ADAM23: variants seen among roughly 807,000 people sequenced by gnomAD.
ADAM23 encodes the protein ADAM metallopeptidase domain 23, also known as disintegrin and metalloproteinase domain-containing protein 23.
Under a neutral mutation model 120.1 loss-of-function variants are expected in ADAM23, and 33 were observed. That is an observed-to-expected ratio of 0.27 (90% CI 0.21 to 0.37). ADAM23 has a LOEUF of 0.37. Among genes scored for constraint, ADAM23 ranks in the 10% least tolerant of loss-of-function variants. The pLI is 1.00. For synonymous variants in ADAM23, 367 were observed against 375.2 expected (o/e 0.98, Z 0.25); for missense variants, 862 against 1,058.2 (o/e 0.81, Z 2.57).
chr2:206,484,872 T>C (rs974498434), intron 3 of ADAM23, among the ~76,000 whole-genome samples: 1 of 152,154 alleles, frequency 6.6e-6, no homozygotes, highest in Non-Finnish European at 1.5e-5. Context: ...CTTGTGATAA[T>C]GAATAAGTCT....
At position 206,489,561 on chromosome 2, in the gene ADAM23, G is replaced by A. The variant is rs532089817; in HGVS notation, c.509+8253G>A. On this transcript the variant is annotated intron_variant, in intron 3 of 25. Coordinates refer to ENST00000264377, the MANE Select transcript of ADAM23 (RefSeq NM_003812.4). ...TCCCAGTTTCAAGAGATCTGCAGAA[G>A]GAAGGCTTTCTATTATGGTGATAGA... Among the ~76,000 whole-genome samples, 748 of 152,300 alleles carry A rather than the reference G, an allele frequency of 4.9e-3. 1 individual carries two copies. The highest frequency in any genetic ancestry group is 0.014 in the Middle Eastern group (4 of 294).
chr2:206,481,118 T>A (rs1362280609), intron 2 of ADAM23, 114 bp from the exon 3 acceptor site: 2 of 668,268 alleles, frequency 3.0e-6, no homozygotes, highest in African/African-American at 3.8e-5. Context: ...TGATGATACA[T>A]AAGGAAATGA....
At chr2:206,477,899 T>TATATATATAC (rs1553548679) in intron 2 of ADAM23, among the ~76,000 whole-genome samples, 28 of 106,332 alleles carry the variant, frequency 2.6e-4, no homozygotes, top group Non-Finnish European at 3.7e-4. Context: ...AAAAAAAAAA[T>TATATATATAC]ATATATATAT....
rs1341019144 is a variant in ADAM23 at position 206,596,005 on chromosome 2, T to C, written c.2248-46T>C. ...TCTTTTACATTTATCACTATTATTC[T>C]ACAAAATACAGTGAAAATGCCATAT... On this transcript the variant is annotated intron_variant, in intron 23 of 25. Transcript: ENST00000264377. 2.8e-6 allele frequency: 4 copies of C among 1,451,454 alleles called. No individual in the cohort carries two copies. In the Admixed American group the frequency reaches 7.1e-5, roughly 26 times the overall value. The allele number at this position is 1,451,454 out of a possible 1,614,324, so 89.9% of individuals were successfully genotyped here. A position where few individuals can be genotyped will look rare whatever the true frequency, so the allele number is the denominator to read the frequency against.
At chr2:206,448,798 C>T (rs1443273364) in intron 2 of ADAM23, among the ~76,000 whole-genome samples, 2 of 152,198 alleles carry the variant, frequency 1.3e-5, no homozygotes, top group Non-Finnish European at 2.9e-5. Context: ...ATTGAAGATC[C>T]TCGCCCTATG....
In ADAM23 at chr2:206,573,196, G is replaced by A; in HGVS notation, c.1737+1G>A. The A allele has an allele frequency of 6.2e-7, 1 of 1,613,840 alleles. No individual in the cohort carries two copies. The highest frequency in any genetic ancestry group is 1.3e-5 in the African/African-American group (1 of 75,042). On this transcript the variant is annotated splice_donor_variant, in intron 18 of 25. Transcript: ENST00000264377. LOFTEE classifies it high-confidence loss of function. ...ATATTGTACTGGAGACTCTGGTCAG[G>A]TATGGCGCACTGAGTTTTTGGTAAT...
intron 25 of ADAM23, among the ~76,000 whole-genome samples, chr2:206,616,476 A>G (rs1352182933): frequency 1.3e-5 from 2 of 152,238 alleles, no homozygotes; most frequent in South Asian, 2.1e-4. Flanking sequence ...TTTTATGTTG[A>G]TATTTCAAAA....
intron 18 of ADAM23, 73 bp downstream of exon 18, chr2:206,573,268 G>A: frequency 7.1e-7 from 1 of 1,398,686 alleles, no homozygotes; most frequent in South Asian, 1.2e-5. Context: ...AGTGCTTGGG[G>A]CCAGAAGTGT....
chr2:206,603,283 C>T (rs150175599), intron 24 of ADAM23, among the ~76,000 whole-genome samples: 3,769 of 152,260 alleles, frequency 0.025, 73 homozygotes, highest in Middle Eastern at 0.041. Flanking sequence ...TCCACCCACC[C>T]GTGAGCTACT....
intron 24 of ADAM23, among the ~76,000 whole-genome samples, chr2:206,602,821 T>C (rs1393474685): frequency 6.6e-6 from 1 of 152,198 alleles, no homozygotes; most frequent in Non-Finnish European, 1.5e-5. Flanking sequence ...TTCTGTCTTT[T>C]AGCACAAGTA....
intron 2 of ADAM23, among the ~76,000 whole-genome samples, chr2:206,480,595 G>A (rs970514882): frequency 6.6e-6 from 1 of 151,682 alleles, no homozygotes; most frequent in Non-Finnish European, 1.5e-5. Flanking sequence ...TTAACATCTA[G>A]TAAATAGGAT....
intron 3 of ADAM23, among the ~76,000 whole-genome samples, chr2:206,489,517 G>A (rs185935817): frequency 6.6e-6 from 1 of 152,280 alleles, no homozygotes. Flanking sequence ...CTGCTAACTC[G>A]AAGGTTAAAT....
chr2:206,476,909 G>A (rs1411988385), intron 2 of ADAM23, among the ~76,000 whole-genome samples: 1 of 152,126 alleles, frequency 6.6e-6, no homozygotes, highest in African/African-American at 2.4e-5. Flanking sequence ...TTCTTGCCAA[G>A]TAGTGAAGAA....
Position 206,473,997 on chromosome 2 carries a change from G to A in ADAM23, c.433-7235G>A, listed in dbSNP as rs563739569. Among the ~76,000 whole-genome samples the A allele has an allele frequency of 4.8e-5, 7 of 144,574 alleles. No homozygotes were observed. In the East Asian group the frequency reaches 1.4e-3, roughly 29 times the overall value. The allele number at this position is 144,574 out of a possible 152,430, so 94.8% of individuals were successfully genotyped here. A position where few individuals can be genotyped will look rare whatever the true frequency, so the allele number is the denominator to read the frequency against. On this transcript the variant is annotated intron_variant, in intron 2 of 25. Transcript: ENST00000264377. The stretch of plus-strand genomic sequence containing the variant: ...ACTCCACACCAACTTGGGCAACAGA[G>A]TGAGACCCTGTCTCAAAAAAAAAAA...
At chr2:206,465,483 G>C (rs1418977195) in intron 2 of ADAM23, among the ~76,000 whole-genome samples, 1 of 152,146 alleles carries the variant, frequency 6.6e-6, no homozygotes, top group Non-Finnish European at 1.5e-5. Flanking sequence ...CAAGATAAAA[G>C]TGTTAAATTT....
chr2:206,496,185 C>G lies in ADAM23; in HGVS notation c.509+14877C>G, dbSNP rs543515728. On this transcript the variant is annotated intron_variant, in intron 3 of 25. Coordinates refer to ENST00000264377, the MANE Select transcript of ADAM23 (RefSeq NM_003812.4). ...ATCTACAGAACTCTACACCCCAAAT[C>G]AACAGAATATACATTCTTTTCAGCA... is the stretch of plus-strand genomic sequence containing the variant. Among the ~76,000 whole-genome samples the G allele has an allele frequency of 4.6e-3, 703 of 152,270 alleles. 6 individuals are homozygous for G. Among genetic ancestry groups the G allele is most frequent in the African/African-American group, 0.016 (661 of 41,546 alleles).
At chr2:206,460,751 G>A (rs918883005) in intron 2 of ADAM23, among the ~76,000 whole-genome samples, 10 of 152,136 alleles carry the variant, frequency 6.6e-5, no homozygotes, top group Admixed American at 3.9e-4. Flanking sequence ...GATGCAGTCC[G>A]ATTTATCTGT....
chr2:206,551,826 A>G (rs1276392919), intron 9 of ADAM23, among the ~76,000 whole-genome samples: 4 of 152,192 alleles, frequency 2.6e-5, no homozygotes, highest in Non-Finnish European at 4.4e-5. Context: ...TTTTGTATAC[A>G]CATTTATTTT....
chr2:206,616,529 G>A (rs765259846), intron 25 of ADAM23, among the ~76,000 whole-genome samples: 1 of 152,174 alleles, frequency 6.6e-6, no homozygotes, highest in African/African-American at 2.4e-5. Flanking sequence ...TAAGAACTTT[G>A]CAGGATGCCT....
Sources: gnomAD v4.1 joint callset for allele counts (sites outside exome capture counted in the v4.1 genomes callset) on GRCh38, gnomAD v4.1.1 for gene constraint, MANE v1.5 for transcripts, NCBI Gene and HGNC (gene_info 2026-07-23, HGNC 2026-07-21) for gene names.